The following KAT6A variants were observed in gnomAD, a reference collection of about 807,000 sequenced individuals.
KAT6A encodes lysine acetyltransferase 6A.
A neutral mutation model predicts 198.4 loss-of-function variants in KAT6A; 9 were observed. The observed-to-expected ratio is 0.05, with a 90% confidence interval of 0.03 to 0.08. The LOEUF (loss-of-function observed/expected upper bound fraction) is 0.08, where lower values mean the gene tolerates loss of function less well. Among genes scored for constraint, KAT6A ranks in the 10% least tolerant of loss-of-function variants. The pLI is 1.00. For missense variants in KAT6A, 2,077 were observed against 2,509.9 expected, an observed-to-expected ratio of 0.83 and a Z score of 3.69; for synonymous variants, 890 against 883.0, an observed-to-expected ratio of 1.01 and a Z score of -0.14.
At chr8:41,992,006 A>C (rs1824971122) in intron 2 of KAT6A, among the ~76,000 whole-genome samples, 4 of 152,128 alleles carry the variant, frequency 2.6e-5, no homozygotes, top group Admixed American at 2.6e-4. Flanking sequence ...TATCTACTGG[A>C]GCCTGGGCAA....
At chr8:42,025,880 T>C (rs1309477551) in intron 2 of KAT6A, among the ~76,000 whole-genome samples, 2 of 152,316 alleles carry the variant, frequency 1.3e-5, no homozygotes, top group African/African-American at 2.4e-5. Flanking sequence ...TCTTGTCTTA[T>C]GTTTTCTTCA....
intron 8 of KAT6A, 79 bp from the exon 9 acceptor site, chr8:41,955,490 G>A (rs1822878269): frequency 2.2e-6 from 2 of 905,988 alleles, no homozygotes; most frequent in African/African-American, 3.4e-5. Context: ...GAATCTAAAT[G>A]TTGTCTTCTC....
chr8:41,954,193 C>T (rs1040222118), intron 9 of KAT6A, among the ~76,000 whole-genome samples: 1 of 152,154 alleles, frequency 6.6e-6, no homozygotes, highest in Admixed American at 6.5e-5. Flanking sequence ...ACTAGAGAAG[C>T]AAGTTATTAT....
chr8:41,966,796 T>C (rs1823513749), intron 8 of KAT6A, among the ~76,000 whole-genome samples: 1 of 152,108 alleles, frequency 6.6e-6, no homozygotes, highest in South Asian at 2.1e-4. Context: ...CCTAATGATT[T>C]TGCTACCCCC....
rs779287671 is a variant in KAT6A at position 41,934,615 on chromosome 8, G to A, written c.3605C>T (p.Pro1202Leu). 3.1e-6 allele frequency: 5 copies of A among 1,614,014 alleles called. No individual in the cohort carries two copies. Among genetic ancestry groups the A allele is most frequent in the Non-Finnish European group, 4.2e-6 (5 of 1,180,016 alleles). ...AGTTTCTTCACTCTCCTGGATCTTG[G>A]GTTTACGTCCAGCTTTAGGAATGGA... The part of the protein sequence containing the change: ...IVSIPKAGRK[P>L]KIQESEETVE... Residue 1202 changes from proline to leucine, a missense_variant, in exon 17 of 17, where the codon CCC becomes CTC. By Grantham distance (98) the Pro-to-Leu change is moderately conservative. Coordinates refer to ENST00000265713, the MANE Select transcript of KAT6A (RefSeq NM_006766.5).
intron 2 of KAT6A, among the ~76,000 whole-genome samples, chr8:42,004,910 A>G (rs1440975473): frequency 1.3e-5 from 2 of 152,038 alleles, no homozygotes; most frequent in Non-Finnish European, 2.9e-5. Flanking sequence ...CCTGGGCGAC[A>G]AGAGTGAAAC....
intron 2 of KAT6A, among the ~76,000 whole-genome samples, chr8:42,046,759 G>A (rs769656450): frequency 6.6e-6 from 1 of 151,626 alleles, no homozygotes; most frequent in Non-Finnish European, 1.5e-5. Context: ...ATAGAATAAA[G>A]CATTTTAATT....
intron 9 of KAT6A, among the ~76,000 whole-genome samples, chr8:41,953,281 T>C (rs370713922): frequency 6.6e-6 from 1 of 152,212 alleles, no homozygotes; most frequent in African/African-American, 2.4e-5. Context: ...TCTCCCCACC[T>C]TGAGTAGACA....
At chr8:42,001,648 C>A (rs1825499278) in intron 2 of KAT6A, among the ~76,000 whole-genome samples, 1 of 152,104 alleles carries the variant, frequency 6.6e-6, no homozygotes, top group Non-Finnish European at 1.5e-5. Flanking sequence ...AGAGACACAC[C>A]CAAAGAGCTA....
At position 41,933,412 on chromosome 8, in the gene KAT6A, C is replaced by T. The variant is rs777986675; in HGVS notation, c.4808G>A (p.Cys1603Tyr). ...GCTGGCCATCTGCTGAGTGACCACA[C>T]AGCTGCTCTGGGTGAGGCTGCTGGA... is the stretch of plus-strand genomic sequence containing the variant. ...SSSSSLTQSS[C>Y]VVTQQMASMG... The change falls in exon 17 of 17, where the codon TGT becomes TAT. Residue 1603 changes from cysteine to tyrosine, a missense_variant. Cys to Tyr is a radical substitution (Grantham distance 194). Transcript: ENST00000265713. The surrounding 1 kb of genome is among the most constrained non-coding windows in gnomAD (Gnocchi z 6.2). The T allele has an allele frequency of 3.2e-5, 52 of 1,610,552 alleles. No individual in the cohort carries two copies. The highest frequency in any genetic ancestry group is 2.7e-5 in the Non-Finnish European group (32 of 1,179,218).
At chr8:42,045,135 A>T (rs1409646509) in intron 2 of KAT6A, among the ~76,000 whole-genome samples, 1 of 152,232 alleles carries the variant, frequency 6.6e-6, no homozygotes, top group Non-Finnish European at 1.5e-5. Context: ...TCCATTTAAA[A>T]ATATAGAACA....
intron 1 of KAT6A, among the ~76,000 whole-genome samples, chr8:42,051,477 C>A (rs1027599677): frequency 1.4e-5 from 2 of 147,376 alleles, no homozygotes; most frequent in Admixed American, 1.3e-4. Flanking sequence ...AGCCGGCACG[C>A]GCGCGGCGGG....
At chr8:42,001,300 A>G in intron 2 of KAT6A, among the ~76,000 whole-genome samples, 1 of 152,198 alleles carries the variant, frequency 6.6e-6, no homozygotes, top group East Asian at 1.9e-4. Context: ...TGTAACTAAT[A>G]AGACCTTTTA....
intron 2 of KAT6A, among the ~76,000 whole-genome samples, chr8:42,013,379 G>A (rs118167197): frequency 7.9e-5 from 12 of 151,474 alleles, no homozygotes; most frequent in East Asian, 7.8e-4. Context: ...TCTCAGCCGC[G>A]CATGCCACCA....
At chr8:41,955,929 T>C (rs1423998920) in intron 8 of KAT6A, among the ~76,000 whole-genome samples, 3 of 152,170 alleles carry the variant, frequency 2.0e-5, no homozygotes, top group African/African-American at 7.2e-5. Context: ...AAAACAAGTA[T>C]CAAGAGAGTC....
Position 41,986,161 on chromosome 8 carries a change from G to A in KAT6A, c.709+1294C>T, listed in dbSNP as rs186838697. The stretch of plus-strand genomic sequence containing the variant: ...TCACCATGTTGGCCAGGATGGTCTC[G>A]ATCTCTTGACCTTGTGATCTGCCCG... On this transcript the variant is annotated intron_variant, in intron 3 of 16. Coordinates refer to ENST00000265713, the MANE Select transcript of KAT6A (RefSeq NM_006766.5). Among the ~76,000 whole-genome samples, 105 of 152,208 alleles carry A rather than the reference G, an allele frequency of 6.9e-4. No individual in the cohort carries two copies. The East Asian group carries it at 7.2e-3, about 10-fold the overall frequency.
chr8:42,048,793 T>G lies in KAT6A; in HGVS notation c.185A>C (p.Lys62Thr). 6.2e-7 allele frequency: 1 copy of G among 1,614,158 alleles called. No homozygotes were observed. Among genetic ancestry groups the G allele is most frequent in the Non-Finnish European group, 8.5e-7 (1 of 1,179,988 alleles). ...ELSVKDGTILKVSNKGLNSYK... is the reference protein window; with the variant it reads ...ELSVKDGTILTVSNKGLNSYK... ...GGAATTGAGTCCTTTATTTGAGACT[T>G]TTAAAATTGTTCCATCTTTAACACT... The change falls in exon 2 of 17, where the codon AAA becomes ACA. Residue 62 changes from lysine (K) to threonine (T), a missense_variant. Around this residue, in one of 13 missense-constraint regions of KAT6A, gnomAD observed 35 missense variants for 76.6 expected, o/e 0.46. Transcript: ENST00000265713.
intron 2 of KAT6A, among the ~76,000 whole-genome samples, chr8:41,991,938 T>G (rs1369788957): frequency 6.6e-6 from 1 of 151,840 alleles, no homozygotes; most frequent in African/African-American, 2.4e-5. Flanking sequence ...AAAGAAGTAA[T>G]GACACAAGAA....
chr8:42,050,773 T>C lies in KAT6A; in HGVS notation c.-326+1128A>G, dbSNP rs552742261. 2.6e-4 allele frequency among the ~76,000 whole-genome samples: 40 copies of C among 152,256 alleles called. No homozygotes were observed. The East Asian group carries it at 3.1e-3, about 12-fold the overall frequency. ...AACAAGCTGGGAACGAACGTCCTAA[T>C]TGACTAAGCTTCGCAGGTAAAAGAA... On this transcript the variant is annotated intron_variant, in intron 1 of 16. Transcript: ENST00000265713.
Sources: allele counts gnomAD v4.1 joint callset (sites outside exome capture counted in the v4.1 genomes callset), GRCh38; gene constraint gnomAD v4.1.1; regional missense constraint gnomAD v4.1.1; non-coding constraint Gnocchi (gnomAD v3.1); transcripts MANE v1.5; gene names NCBI Gene and HGNC (gene_info 2026-07-23, HGNC 2026-07-21).